Variants in PDE7B observed in about 807,000 individuals in gnomAD.
PDE7B encodes phosphodiesterase 7B.
A neutral mutation model predicts 56.2 loss-of-function variants in PDE7B; 29 were observed. The observed-to-expected ratio is 0.52, with a 90% CI of 0.38 to 0.70. The LOEUF (loss-of-function observed/expected upper bound fraction) is 0.70, where lower values mean the gene tolerates loss of function less well. PDE7B is among the 30% of genes least tolerant of loss of function. The pLI is 0.00. For missense variants in PDE7B, 490 were observed against 565.0 expected, an observed-to-expected ratio of 0.87 and a Z score of 1.35; for synonymous variants, 197 against 196.9, an observed-to-expected ratio of 1.00 and a Z score of 0.00.
intron 1 of PDE7B, among the ~76,000 whole-genome samples, chr6:135,910,246 A>G (rs1245287384): frequency 6.6e-6 from 1 of 152,016 alleles, no homozygotes; most frequent in Admixed American, 6.6e-5. Context: ...GGGGGATCCA[A>G]CTCCTCACTT....
At chr6:135,980,828 T>A (rs1287459360) in intron 2 of PDE7B, among the ~76,000 whole-genome samples, 1 of 133,566 alleles carries the variant, frequency 7.5e-6, no homozygotes, top group African/African-American at 2.9e-5. Flanking sequence ...ACTTTTACAC[T>A]GTTGGTGGGA....
At chr6:135,896,971 A>G (rs1003271988) in intron 1 of PDE7B, among the ~76,000 whole-genome samples, 4 of 151,960 alleles carry the variant, frequency 2.6e-5, no homozygotes, top group African/African-American at 9.7e-5. Context: ...CAAGCTTAGC[A>G]CCTCCTCCTC....
chr6:135,922,814 T>G (rs181213348), intron 1 of PDE7B, among the ~76,000 whole-genome samples: 188 of 152,334 alleles, frequency 1.2e-3, no homozygotes, highest in Middle Eastern at 6.8e-3. Flanking sequence ...ACCTATTAAG[T>G]GCTCAAGAAA....
intron 2 of PDE7B, among the ~76,000 whole-genome samples, chr6:135,993,807 T>C (rs989984775): frequency 6.6e-6 from 1 of 152,236 alleles, no homozygotes; most frequent in Admixed American, 6.5e-5. Flanking sequence ...ACTTTGAGTT[T>C]CCTATCTTTC....
chr6:135,885,060 C>T (rs565039923), intron 1 of PDE7B, among the ~76,000 whole-genome samples: 1 of 152,242 alleles, frequency 6.6e-6, no homozygotes, highest in East Asian at 1.9e-4. Flanking sequence ...GATTCAGGGT[C>T]TTCTGAAGCC....
rs564710310 is a variant in PDE7B, at chr6:135,926,887, CAT to C, written c.22-20575_22-20574del. ...TAGTGATACTCTCAAAATGTTGACT[CAT>C]AAAGATTCCGCATAATCTTTATGAA... On this transcript the variant is annotated intron_variant, in intron 1 of 12. Coordinates refer to ENST00000308191, the MANE Select transcript of PDE7B (RefSeq NM_018945.4). Among the ~76,000 whole-genome samples the C allele has an allele frequency of 5.1e-3, 782 of 152,224 alleles. 8 individuals carry two copies. The highest frequency in any genetic ancestry group is 0.018 in the African/African-American group (739 of 41,526).
chr6:136,069,142 T>C (rs1777003827), intron 2 of PDE7B, among the ~76,000 whole-genome samples: 1 of 152,134 alleles, frequency 6.6e-6, no homozygotes, highest in Admixed American at 6.5e-5. Context: ...GAGGGATCAA[T>C]TCAGTTGGTT....
intron 2 of PDE7B, among the ~76,000 whole-genome samples, chr6:135,963,052 A>C (rs1347529372): frequency 6.6e-6 from 1 of 152,216 alleles, no homozygotes; most frequent in African/African-American, 2.4e-5. Flanking sequence ...TGCACAAATG[A>C]TATCAAGTAA....
intron 3 of PDE7B, among the ~76,000 whole-genome samples, chr6:136,123,564 T>C (rs1306956383): frequency 6.6e-6 from 1 of 152,200 alleles, no homozygotes; most frequent in Non-Finnish European, 1.5e-5. Flanking sequence ...CAAGTTCTAG[T>C]TGGTCAAATG....
intron 2 of PDE7B, among the ~76,000 whole-genome samples, chr6:136,084,433 G>A (rs907565673): frequency 2.0e-5 from 3 of 152,170 alleles, no homozygotes; most frequent in African/African-American, 7.2e-5. Context: ...AAGGGAAGGG[G>A]ATGAAAGGAA....
intron 1 of PDE7B, among the ~76,000 whole-genome samples, chr6:135,899,465 CT>C (rs1304770061): frequency 6.6e-6 from 1 of 150,770 alleles, no homozygotes; most frequent in African/African-American, 2.4e-5. Context: ...TATATGTAAA[CT>C]TGCAGTTAGA....
chr6:136,178,965 T>C, intron 9 of PDE7B, 32 bp from the exon 10 acceptor site: 2 of 1,612,496 alleles, frequency 1.2e-6, no homozygotes, highest in Non-Finnish European at 1.7e-6. Flanking sequence ...TTGCTTTGTG[T>C]GTGTTTTTCT....
At chr6:136,098,143 G>C (rs531836997) in intron 2 of PDE7B, 4 of 131,494 alleles carry the variant, frequency 3.0e-5, no homozygotes, top group East Asian at 2.3e-4. Flanking sequence ...TGGGGGGGGG[G>C]GGGGAAATAT....
intron 11 of PDE7B, among the ~76,000 whole-genome samples, chr6:136,184,288 G>T (rs1583931428): frequency 6.6e-6 from 1 of 152,136 alleles, no homozygotes; most frequent in East Asian, 1.9e-4. Flanking sequence ...TGTTGAATAA[G>T]TGAATGAATA....
At chr6:136,132,934 G>A (rs751732301) in intron 3 of PDE7B, among the ~76,000 whole-genome samples, 1 of 152,080 alleles carries the variant, frequency 6.6e-6, no homozygotes, top group Admixed American at 6.6e-5. Context: ...ATAGAGCGCC[G>A]TGGGCACTAA....
chr6:136,044,777 G>A (rs942903004), intron 2 of PDE7B: 1 of 152,174 alleles, frequency 6.6e-6, no homozygotes, highest in Non-Finnish European at 1.5e-5. Flanking sequence ...ATAACAGTCT[G>A]TAGACTCCTG....
intron 10 of PDE7B, among the ~76,000 whole-genome samples, chr6:136,180,391 C>T (rs1419444885): frequency 6.6e-6 from 1 of 152,166 alleles, no homozygotes; most frequent in Non-Finnish European, 1.5e-5. Context: ...AAGGCAGAGG[C>T]TGGAGGAGGC....
Position 136,152,367 on chromosome 6 carries a change from GC to G in PDE7B, c.478+1115del, listed in dbSNP as rs1433697582. On this transcript the variant is annotated intron_variant, in intron 6 of 12. Coordinates refer to ENST00000308191, the MANE Select transcript of PDE7B (RefSeq NM_018945.4). ...TAATAATAACTACCATTTATGTAGT[GC>G]CCACTATGAGCAGAGTACTTTTGGC... Among the ~76,000 whole-genome samples, 5 of 152,120 alleles carry G rather than the reference GC, an allele frequency of 3.3e-5. No homozygotes were observed. In the East Asian group the frequency reaches 9.6e-4, roughly 29 times the overall value.
intron 2 of PDE7B, among the ~76,000 whole-genome samples, chr6:136,000,428 A>C (rs1280912191): frequency 6.6e-6 from 1 of 152,200 alleles, no homozygotes; most frequent in Non-Finnish European, 1.5e-5. Flanking sequence ...ATTTTTGTAT[A>C]TAGCATAAGA....
Sources: gnomAD v4.1 joint callset for allele counts (sites outside exome capture counted in the v4.1 genomes callset) on GRCh38, gnomAD v4.1.1 for gene constraint, MANE v1.5 for transcripts, NCBI Gene and HGNC (gene_info 2026-07-23, HGNC 2026-07-21) for gene names.